The following AKAP6 variants were observed in gnomAD, a reference collection of about 807,000 sequenced individuals.
The protein encoded by AKAP6 is A-kinase anchoring protein 6, also known as A-kinase anchor protein 6.
In AKAP6, 58 loss-of-function variants were observed where a neutral mutation model predicts 188.5. That is an observed-to-expected ratio of 0.31 (90% CI 0.25 to 0.38). The LOEUF (loss-of-function observed/expected upper bound fraction) is 0.38. Ranked by LOEUF, AKAP6 falls within the 10% of genes least tolerant of loss-of-function variation. The pLI, the probability that AKAP6 is intolerant of heterozygous loss-of-function variation, is 1.00. For missense variants in AKAP6, 2,710 were observed against 2,740.0 expected (o/e 0.99, Z 0.24); for synonymous variants, 989 against 998.6 (o/e 0.99, Z 0.18).
In AKAP6 at chr14:32,376,225, C is replaced by T. The variant is rs868724438; in HGVS notation, c.-35+46817C>T. Among the ~76,000 whole-genome samples, 10 of 152,356 alleles carry T rather than the reference C, an allele frequency of 6.6e-5. No individual in the cohort carries two copies. In the South Asian group the frequency reaches 1.4e-3, roughly 22 times the overall value. On this transcript the variant is annotated intron_variant, in intron 1 of 13. Transcript: ENST00000280979. ...TATTTGAACTTATTTGACCTTGGGG[C>T]ACCCCCCACTCCCTTAGAAAATCTA...
intron 3 of AKAP6, among the ~76,000 whole-genome samples, chr14:32,543,836 G>A (rs1883070628): frequency 6.6e-6 from 1 of 152,082 alleles, no homozygotes; most frequent in Non-Finnish European, 1.5e-5. Context: ...TGTAAGAAAG[G>A]GACAATAGTA....
intron 2 of AKAP6, among the ~76,000 whole-genome samples, chr14:32,531,776 T>A (rs1475429348): frequency 6.6e-6 from 1 of 152,218 alleles, no homozygotes; most frequent in Non-Finnish European, 1.5e-5. Context: ...TTTCACTTAG[T>A]GTAATGCCTT....
At chr14:32,744,835 T>A (rs1287904943) in intron 11 of AKAP6, among the ~76,000 whole-genome samples, 1 of 152,084 alleles carries the variant, frequency 6.6e-6, no homozygotes, top group Non-Finnish European at 1.5e-5. Flanking sequence ...GACTGTATAT[T>A]TTCAAATAGT....
chr14:32,455,983 T>C (rs1234745305), intron 2 of AKAP6, among the ~76,000 whole-genome samples: 1 of 152,100 alleles, frequency 6.6e-6, no homozygotes, highest in Non-Finnish European at 1.5e-5. Flanking sequence ...AGGGATTTTA[T>C]TGTAATCTTA....
At chr14:32,419,663 T>C (rs1889773893) in intron 1 of AKAP6, among the ~76,000 whole-genome samples, 1 of 152,200 alleles carries the variant, frequency 6.6e-6, no homozygotes, top group South Asian at 2.1e-4. Context: ...CCTGTGGTTT[T>C]CATCCTGAGA....
intron 2 of AKAP6, among the ~76,000 whole-genome samples, chr14:32,503,789 T>C (rs983248121): frequency 1.3e-5 from 2 of 152,062 alleles, no homozygotes; most frequent in Non-Finnish European, 2.9e-5. Flanking sequence ...CTTTACAATA[T>C]ATTTTAATAT....
At chr14:32,807,070 ATAT>A (rs1441506066) in intron 12 of AKAP6, among the ~76,000 whole-genome samples, 1 of 12,588 alleles carries the variant, frequency 7.9e-5, no homozygotes, top group Non-Finnish European at 1.7e-4. Flanking sequence ...AGGGGGGGAA[ATAT>A]ATATATATAT....
chr14:32,674,674 G>C (rs1396615328), intron 7 of AKAP6, among the ~76,000 whole-genome samples: 1 of 152,134 alleles, frequency 6.6e-6, no homozygotes, highest in African/African-American at 2.4e-5. Context: ...GAGAATGAAG[G>C]GTTCTGTTTT....
Position 32,461,248 on chromosome 14 carries a change from A to T in AKAP6, c.324+27431A>T, listed in dbSNP as rs139732603. Among the ~76,000 whole-genome samples, 594 of 152,278 alleles carry T rather than the reference A, an allele frequency of 3.9e-3. 2 individuals carry two copies. Among genetic ancestry groups the T allele is most frequent in the African/African-American group, 0.013 (543 of 41,568 alleles). On this transcript the variant is annotated intron_variant, in intron 2 of 13. Coordinates refer to ENST00000280979, the MANE Select transcript of AKAP6 (RefSeq NM_004274.5). ...CTGCTAAGGGACAGACTGCCTCCTCATGTTGGTCCCTGACCCCCGTGCCTC... is the reference window on the plus strand; with the variant it reads ...CTGCTAAGGGACAGACTGCCTCCTCTTGTTGGTCCCTGACCCCCGTGCCTC...
At chr14:32,651,948 G>C (rs1014422024) in intron 7 of AKAP6, among the ~76,000 whole-genome samples, 18 of 152,004 alleles carry the variant, frequency 1.2e-4, no homozygotes. Flanking sequence ...CCCTTTGGCT[G>C]TGGATTCTAG....
intron 1 of AKAP6, among the ~76,000 whole-genome samples, chr14:32,407,448 T>C (rs539926366): frequency 9.8e-4 from 149 of 152,256 alleles, no homozygotes; most frequent in African/African-American, 3.4e-3. Flanking sequence ...AGCCTCAGCC[T>C]CCACAGAGCA....
At chr14:32,346,573 A>G (rs1887072425) in intron 1 of AKAP6, among the ~76,000 whole-genome samples, 1 of 152,188 alleles carries the variant, frequency 6.6e-6, no homozygotes, top group African/African-American at 2.4e-5. Flanking sequence ...CGGTGGTGCT[A>G]TCTTGGCTCA....
At chr14:32,683,752 C>A (rs1594844230) in intron 8 of AKAP6, among the ~76,000 whole-genome samples, 1 of 152,168 alleles carries the variant, frequency 6.6e-6, no homozygotes, top group Non-Finnish European at 1.5e-5. Flanking sequence ...AAGTGATGCC[C>A]AGCATGACTA....
At position 32,726,236 on chromosome 14, in the gene AKAP6, GA is replaced by G. The variant is rs1178536620; in HGVS notation, c.3001-6212del. On this transcript the variant is annotated intron_variant, in intron 9 of 13. Coordinates refer to ENST00000280979, the MANE Select transcript of AKAP6 (RefSeq NM_004274.5). ...TAAGGAGAAAACTTAGAAGTGAGGG[GA>G]AAAAATAATATTTGAGTGATTCTTC... 9.2e-6 allele frequency: 9 copies of G among 974,244 alleles called. No homozygotes were observed. In the Admixed American group the frequency reaches 3.7e-4, roughly 40 times the overall value. The allele number at this position is 974,244 out of a possible 1,614,324, so 60.3% of individuals were successfully genotyped here. A position where few individuals can be genotyped will look rare whatever the true frequency, so the allele number is the denominator to read the frequency against.
intron 12 of AKAP6, among the ~76,000 whole-genome samples, chr14:32,798,060 C>T (rs1039479044): frequency 6.6e-6 from 1 of 151,814 alleles, no homozygotes; most frequent in Non-Finnish European, 1.5e-5. Flanking sequence ...TAACAAACAA[C>T]CCCCTTTTAA....
chr14:32,622,070 C>G (rs536529445), intron 7 of AKAP6, among the ~76,000 whole-genome samples: 17 of 152,056 alleles, frequency 1.1e-4, no homozygotes, highest in African/African-American at 3.6e-4. Context: ...ATAGAATGTA[C>G]CTGAAAATTT....
chr14:32,529,219 G>T (rs569154994), intron 2 of AKAP6, among the ~76,000 whole-genome samples: 1 of 152,192 alleles, frequency 6.6e-6, no homozygotes, highest in South Asian at 2.1e-4. Context: ...ATTTCATTTG[G>T]GGGGATGCTA....
intron 4 of AKAP6, among the ~76,000 whole-genome samples, chr14:32,575,438 G>A (rs1003832326): frequency 1.3e-5 from 2 of 152,120 alleles, no homozygotes; most frequent in Non-Finnish European, 2.9e-5. Context: ...AATCTTCTGA[G>A]TGATGACCAA....
At chr14:32,739,890 A>G (rs1452792852) in intron 11 of AKAP6, among the ~76,000 whole-genome samples, 2 of 152,130 alleles carry the variant, frequency 1.3e-5, no homozygotes, top group South Asian at 2.1e-4. Context: ...ATATATACCT[A>G]GCGGTGGGAT....
Sources: allele counts gnomAD v4.1 joint callset (sites outside exome capture counted in the v4.1 genomes callset), GRCh38; gene constraint gnomAD v4.1.1; transcripts MANE v1.5; gene names NCBI Gene and HGNC (gene_info 2026-07-23, HGNC 2026-07-21).